The following UBE2QL1 variants were observed in gnomAD, a reference collection of about 807,000 sequenced individuals.
UBE2QL1 encodes the protein ubiquitin conjugating enzyme E2 QL1.
UBE2QL1 carries 5 observed loss-of-function variants against 12.6 expected under a neutral mutation model. The observed-to-expected ratio is 0.40, with a 90% CI of 0.21 to 0.83. The LOEUF (loss-of-function observed/expected upper bound fraction) is 0.83. UBE2QL1 is among the 40% of genes least tolerant of loss of function. UBE2QL1 has a pLI of 0.37. For synonymous variants in UBE2QL1, 96 were observed against 94.5 expected (o/e 1.02, Z -0.10); for missense variants, 99 against 222.6 (o/e 0.44, Z 3.53).
At chr5:6,465,638 G>A (rs1034984472) in intron 1 of UBE2QL1, among the ~76,000 whole-genome samples, 1 of 152,088 alleles carries the variant, frequency 6.6e-6, no homozygotes, top group Non-Finnish European at 1.5e-5. Context: ...GGGATGCTTC[G>A]GGTGCCCCTC....
chr5:6,491,535 C>G lies in UBE2QL1; in HGVS notation c.*186C>G, dbSNP rs927302681. ...ACAGAGAGGAAGAGGGAGCAAATGC[C>G]GTTCGGATTATGTTTCGATTATAAA... On this transcript the variant is annotated 3_prime_UTR_variant, in exon 2 of 2. Coordinates refer to ENST00000399816, the MANE Select transcript of UBE2QL1 (RefSeq NM_001145161.3). 4.5e-6 allele frequency: 3 copies of G among 672,264 alleles called. No homozygotes were observed. The highest frequency in any genetic ancestry group is 6.6e-6 in the Non-Finnish European group (3 of 452,694). The allele number at this position is 672,264 out of a possible 1,614,324, so 41.6% of individuals were successfully genotyped here. A position where few individuals can be genotyped will look rare whatever the true frequency, so the allele number is the denominator to read the frequency against.
chr5:6,469,215 C>G (rs1243175241), intron 1 of UBE2QL1, among the ~76,000 whole-genome samples: 2 of 152,102 alleles, frequency 1.3e-5, no homozygotes, highest in Non-Finnish European at 2.9e-5. Context: ...TTCATGTGTC[C>G]AGATGCACAG....
chr5:6,487,744 G>A (rs921701196), intron 1 of UBE2QL1, among the ~76,000 whole-genome samples: 2 of 152,196 alleles, frequency 1.3e-5, no homozygotes, highest in Non-Finnish European at 1.5e-5. Flanking sequence ...CTGGATGTTC[G>A]TCATGATGTG....
At chr5:6,480,855 G>A (rs1734344303) in intron 1 of UBE2QL1, among the ~76,000 whole-genome samples, 1 of 152,114 alleles carries the variant, frequency 6.6e-6, no homozygotes, top group South Asian at 2.1e-4. Context: ...ACAGTTTTAA[G>A]AAAGAGTTTC....
chr5:6,454,248 G>A (rs1357217357), intron 1 of UBE2QL1, among the ~76,000 whole-genome samples: 3 of 152,148 alleles, frequency 2.0e-5, no homozygotes, highest in Non-Finnish European at 2.9e-5. Flanking sequence ...AGAGGACCTG[G>A]AAGTCCAAGA....
chr5:6,465,569 T>G (rs534025973), intron 1 of UBE2QL1, among the ~76,000 whole-genome samples: 1,602 of 152,268 alleles, frequency 0.011, 19 homozygotes, highest in Non-Finnish European at 0.017. Flanking sequence ...CACTCCCCAG[T>G]GCCTGGGGGT....
At chr5:6,450,377 G>A (rs1317402754) in intron 1 of UBE2QL1, among the ~76,000 whole-genome samples, 1 of 152,152 alleles carries the variant, frequency 6.6e-6, no homozygotes, top group Non-Finnish European at 1.5e-5. Context: ...TTGAGAGCAG[G>A]GTGAGTGCGT....
intron 1 of UBE2QL1, among the ~76,000 whole-genome samples, chr5:6,485,698 G>A (rs150801666): frequency 5.1e-4 from 77 of 152,232 alleles, no homozygotes; most frequent in African/African-American, 1.8e-3. Context: ...AAAACTTTAC[G>A]TAAGCAGTCT....
intron 1 of UBE2QL1, among the ~76,000 whole-genome samples, chr5:6,457,902 G>T (rs1051122424): frequency 7.9e-5 from 12 of 152,236 alleles, no homozygotes; most frequent in African/African-American, 2.4e-4. Flanking sequence ...CGAGAGGACG[G>T]ATGGTGCATC....
chr5:6,471,240 A>T (rs1163308881), intron 1 of UBE2QL1, among the ~76,000 whole-genome samples: 1 of 152,230 alleles, frequency 6.6e-6, no homozygotes, highest in Non-Finnish European at 1.5e-5. Context: ...CCTGCAGCAT[A>T]GCCCATTATC....
rs1278231417 is a variant in UBE2QL1, at chr5:6,476,512, G to A, written c.355-14706G>A. Among the ~76,000 whole-genome samples, 3 of 152,280 alleles carry A rather than the reference G, an allele frequency of 2.0e-5. No individual in the cohort carries two copies. The East Asian group carries it at 5.8e-4, about 29-fold the overall frequency. ...CAGGGCTGTGCTGTCCTGACTCAAT[G>A]AGACAATGACCTCAAAACGGAAACA... On this transcript the variant is annotated intron_variant, in intron 1 of 1. Transcript: ENST00000399816. This position sits in a 1 kb window ranked among gnomAD's most constrained non-coding sequence, Gnocchi z 4.9.
rs907851642 is a variant in UBE2QL1 at position 6,491,355 on chromosome 5, G to A, written c.*6G>A. On this transcript the variant is annotated 3_prime_UTR_variant, in exon 2 of 2. Transcript: ENST00000399816. The stretch of plus-strand genomic sequence containing the variant: ...CGCCCGTGTCCGACGGCTGATGTCT[G>A]CCACGTGCAGTAGACGCTCGAGCGC... 3.2e-6 allele frequency: 5 copies of A among 1,548,038 alleles called. No individual in the cohort carries two copies. The highest frequency in any genetic ancestry group is 4.0e-5 in the Admixed American group (2 of 50,504).
At chr5:6,471,177 A>T (rs753539537) in intron 1 of UBE2QL1, among the ~76,000 whole-genome samples, 1 of 152,078 alleles carries the variant, frequency 6.6e-6, no homozygotes, top group Non-Finnish European at 1.5e-5. Flanking sequence ...TTATCTTATT[A>T]TCTTTAGGAA....
In UBE2QL1 at chr5:6,474,298, A is replaced by G. The variant is rs113965989; in HGVS notation, c.355-16920A>G. 1.4e-3 allele frequency among the ~76,000 whole-genome samples: 211 copies of G among 152,352 alleles called. 1 individual carries two copies. The South Asian group carries it at 0.016, about 12-fold the overall frequency. On this transcript the variant is annotated intron_variant, in intron 1 of 1. Coordinates refer to ENST00000399816, the MANE Select transcript of UBE2QL1 (RefSeq NM_001145161.3). Reference sequence around the variant, plus strand: ...GAGGTTAACAACCAGGAGTACGTGCATGGCATTGGAGTGGGGCATGCTATA... The same window carrying G: ...GAGGTTAACAACCAGGAGTACGTGCGTGGCATTGGAGTGGGGCATGCTATA...
At chr5:6,490,167 C>T (rs1014137656) in intron 1 of UBE2QL1, among the ~76,000 whole-genome samples, 6 of 152,146 alleles carry the variant, frequency 3.9e-5, no homozygotes, top group East Asian at 1.9e-4. Context: ...GCTAAGGGAA[C>T]GTTTCAGTTG....
intron 1 of UBE2QL1, among the ~76,000 whole-genome samples, chr5:6,483,000 CG>C (rs1734393505): frequency 6.6e-6 from 1 of 152,214 alleles, no homozygotes; most frequent in Admixed American, 6.5e-5. Flanking sequence ...CCACCCACCA[CG>C]CCAGCAAGGC....
At chr5:6,491,136 C>T in intron 1 of UBE2QL1, 82 bp from the exon 2 acceptor site, 3 of 1,420,358 alleles carry the variant, frequency 2.1e-6, no homozygotes, top group East Asian at 2.5e-5. Flanking sequence ...ATCCCCACGA[C>T]TCTGTGTGTT....
chr5:6,472,485 C>T (rs966182046), intron 1 of UBE2QL1, among the ~76,000 whole-genome samples: 12 of 152,142 alleles, frequency 7.9e-5, no homozygotes, highest in African/African-American at 2.9e-4. Flanking sequence ...CTTGACAGGA[C>T]CCTAGAGGCA....
intron 1 of UBE2QL1, among the ~76,000 whole-genome samples, chr5:6,467,023 G>A (rs1739811391): frequency 6.6e-6 from 1 of 152,164 alleles, no homozygotes; most frequent in Admixed American, 6.5e-5. Flanking sequence ...ATTTTGTTAA[G>A]TAACTTAATG....
Sources: gnomAD v4.1 joint callset for allele counts (sites outside exome capture counted in the v4.1 genomes callset) on GRCh38, gnomAD v4.1.1 for gene constraint, Gnocchi (gnomAD v3.1) non-coding constraint, MANE v1.5 for transcripts, NCBI Gene and HGNC (gene_info 2026-07-23, HGNC 2026-07-21) for gene names.